The following SPRED1 variants were observed in gnomAD, a reference collection of about 807,000 sequenced individuals.
SPRED1 encodes the protein sprouty related EVH1 domain containing 1.
SPRED1 carries 18 observed loss-of-function variants against 52.3 expected under a neutral mutation model. The ratio of observed to expected loss-of-function variants is 0.34; its 90% confidence interval spans 0.24 to 0.51. The LOEUF (loss-of-function observed/expected upper bound fraction) is 0.51, where lower values mean the gene tolerates loss of function less well. SPRED1 is among the 20% of genes least tolerant of loss of function. The pLI, the probability that SPRED1 is intolerant of heterozygous loss-of-function variation, is 0.97. For missense variants in SPRED1, 485 were observed against 551.0 expected, an observed-to-expected ratio of 0.88 and a Z score of 1.20; for synonymous variants, 155 against 179.7, an observed-to-expected ratio of 0.86 and a Z score of 1.10.
In SPRED1 at chr15:38,267,026, A is replaced by G. The variant is rs575405486; in HGVS notation, c.32+13809A>G. 9.2e-5 allele frequency among the ~76,000 whole-genome samples: 14 copies of G among 152,324 alleles called. No homozygotes were observed. The South Asian group carries it at 2.5e-3, about 27-fold the overall frequency. On this transcript the variant is annotated intron_variant, in intron 1 of 6. Transcript: ENST00000299084. ...GATTTAGTCAGGTGGTATAAGGAAA[A>G]AAATGAAAGTAAGCTAAAATCCTTT... is the stretch of plus-strand genomic sequence containing the variant.
intron 2 of SPRED1, among the ~76,000 whole-genome samples, chr15:38,312,962 A>G (rs1473011506): frequency 6.6e-6 from 1 of 151,726 alleles, no homozygotes; most frequent in African/African-American, 2.4e-5. Flanking sequence ...TTTTACCTAA[A>G]TTCTCCAATT....
intron 1 of SPRED1, among the ~76,000 whole-genome samples, chr15:38,287,160 A>C (rs1247997757): frequency 2.6e-5 from 4 of 152,192 alleles, no homozygotes; most frequent in Non-Finnish European, 5.9e-5. Context: ...ACAATTGAAA[A>C]AACAGAAAAA....
At chr15:38,328,447 A>C (rs1407490459) in intron 4 of SPRED1, among the ~76,000 whole-genome samples, 1 of 152,196 alleles carries the variant, frequency 6.6e-6, no homozygotes, top group Non-Finnish European at 1.5e-5. Context: ...CAATTATCAT[A>C]AGTCAACAAA....
intron 1 of SPRED1, among the ~76,000 whole-genome samples, chr15:38,278,071 C>G: frequency 6.6e-6 from 1 of 152,094 alleles, no homozygotes; most frequent in African/African-American, 2.4e-5. Context: ...TAAATGAAAA[C>G]AGGTAAGAAA....
At chr15:38,269,705 C>A (rs1166644850) in intron 1 of SPRED1, among the ~76,000 whole-genome samples, 1 of 152,128 alleles carries the variant, frequency 6.6e-6, no homozygotes, top group Non-Finnish European at 1.5e-5. Context: ...GCAGTGAGTA[C>A]AATAGAACAT....
In SPRED1 at chr15:38,253,010, C is replaced by T. The variant is rs946754249; in HGVS notation, c.-176C>T. 3.1e-6 allele frequency: 2 copies of T among 636,584 alleles called. No homozygotes were observed. The highest frequency in any genetic ancestry group is 2.8e-6 in the Non-Finnish European group (1 of 357,042). The allele number at this position is 636,584 out of a possible 1,614,324, so 39.4% of individuals were successfully genotyped here. A position where few individuals can be genotyped will look rare whatever the true frequency, so the allele number is the denominator to read the frequency against. ...GCCGCCACCCCCCTGCGGGGGTGGC[C>T]GGGGTTCCCGGCTGGGGGGGTACCG... On this transcript the variant is annotated 5_prime_UTR_variant, in exon 1 of 7. Coordinates refer to ENST00000299084, the MANE Select transcript of SPRED1 (RefSeq NM_152594.3).
chr15:38,336,545 C>T (rs947648987), intron 4 of SPRED1, among the ~76,000 whole-genome samples: 2 of 150,352 alleles, frequency 1.3e-5, no homozygotes, highest in African/African-American at 4.9e-5. Flanking sequence ...GTTTTCTACT[C>T]TTCCCAATTT....
chr15:38,275,001 A>G (rs1894517642), intron 1 of SPRED1, among the ~76,000 whole-genome samples: 1 of 152,228 alleles, frequency 6.6e-6, no homozygotes. Flanking sequence ...CATCTTTTGA[A>G]AAGATAGTTT....
At chr15:38,282,333 ACACACACACATG>A (rs1458800339) in intron 1 of SPRED1, among the ~76,000 whole-genome samples, 1 of 49,744 alleles carries the variant, frequency 2.0e-5, no homozygotes, top group Admixed American at 1.8e-4. Flanking sequence ...ACACACACAC[ACACACACACATG>A]CACACACACA....
intron 1 of SPRED1, among the ~76,000 whole-genome samples, chr15:38,281,911 G>A (rs532150226): frequency 6.6e-6 from 1 of 152,216 alleles, no homozygotes; most frequent in South Asian, 2.1e-4. Flanking sequence ...GAAATTTCTA[G>A]ATGTAAAGTC....
At chr15:38,293,320 G>A (rs750537922) in intron 1 of SPRED1, among the ~76,000 whole-genome samples, 25 of 151,802 alleles carry the variant, frequency 1.6e-4, no homozygotes, top group African/African-American at 3.6e-4. Flanking sequence ...GGATGGTTTC[G>A]ATCTCTTGAC....
chr15:38,301,892 G>A (rs766618347), intron 2 of SPRED1, among the ~76,000 whole-genome samples: 53 of 149,764 alleles, frequency 3.5e-4, no homozygotes, highest in Non-Finnish European at 6.4e-4. Context: ...TTTTAAAGAA[G>A]TATTATGTTT....
chr15:38,344,692 A>G (rs561722988), intron 5 of SPRED1, among the ~76,000 whole-genome samples: 1 of 152,310 alleles, frequency 6.6e-6, no homozygotes, highest in African/African-American at 2.4e-5. Context: ...TTGGAATAAT[A>G]TCGGTATCTA....
intron 1 of SPRED1, among the ~76,000 whole-genome samples, chr15:38,274,992 A>G (rs1322437572): frequency 6.6e-6 from 1 of 152,340 alleles, no homozygotes; most frequent in Middle Eastern, 3.4e-3. Flanking sequence ...TGTAATAAGC[A>G]TCTTTTGAAA....
chr15:38,298,638 G>A (rs749298556), intron 1 of SPRED1: 28 of 234,092 alleles, frequency 1.2e-4, no homozygotes, highest in South Asian at 1.0e-3. Context: ...CTCTGTGTTC[G>A]GCATAAGGAT....
intron 1 of SPRED1, among the ~76,000 whole-genome samples, chr15:38,295,233 C>T (rs1316285742): frequency 6.6e-6 from 1 of 151,982 alleles, no homozygotes; most frequent in Non-Finnish European, 1.5e-5. Context: ...CCTACACAAA[C>T]CTAGATGGGA....
chr15:38,338,699 A>G (rs1895971760), intron 4 of SPRED1, among the ~76,000 whole-genome samples: 1 of 152,198 alleles, frequency 6.6e-6, no homozygotes, highest in African/African-American at 2.4e-5. Context: ...ACCCAGTGTC[A>G]TAAAATAGCA....
In SPRED1 at chr15:38,267,893, C is replaced by G. The variant is rs990863312; in HGVS notation, c.32+14676C>G. Among the ~76,000 whole-genome samples the G allele has an allele frequency of 2.0e-5, 3 of 152,142 alleles. No individual in the cohort carries two copies. The East Asian group carries it at 5.8e-4, about 29-fold the overall frequency. On this transcript the variant is annotated intron_variant, in intron 1 of 6. Coordinates refer to ENST00000299084, the MANE Select transcript of SPRED1 (RefSeq NM_152594.3). ...TTGACATCAGCAGTGTACATACACG[C>G]ACGTATGCCCATAGGATATACATAT... is the stretch of plus-strand genomic sequence containing the variant.
intron 5 of SPRED1, 147 bp from the exon 6 acceptor site, chr15:38,349,274 TG>T: frequency 4.9e-6 from 3 of 606,198 alleles, no homozygotes; most frequent in South Asian, 3.6e-5. Context: ...GTGTTTTAGG[TG>T]GGGGGAAATG....
Sources: gnomAD v4.1 joint callset for allele counts (sites outside exome capture counted in the v4.1 genomes callset) on GRCh38, gnomAD v4.1.1 for gene constraint, MANE v1.5 for transcripts, NCBI Gene and HGNC (gene_info 2026-07-23, HGNC 2026-07-21) for gene names.